The following RAD18 variants were observed in gnomAD, a reference collection of about 807,000 sequenced individuals.
RAD18 encodes E3 ubiquitin-protein ligase RAD18.
A neutral mutation model predicts 60.4 loss-of-function variants in RAD18; 47 were observed. That is an observed-to-expected ratio of 0.78 (90% CI 0.62 to 0.99). The LOEUF is 0.99. Ranked by LOEUF, RAD18 falls within the 50% of genes least tolerant of loss-of-function variation. RAD18 has a pLI of 0.00. For synonymous variants in RAD18, 225 were observed against 195.5 expected (o/e 1.15, Z -1.26); for missense variants, 640 against 593.3 (o/e 1.08, Z -0.82).
intron 4 of RAD18, 147 bp from the exon 5 acceptor site, chr3:8,941,951 T>C: frequency 1.4e-6 from 1 of 717,756 alleles, no homozygotes; most frequent in Non-Finnish European, 2.3e-6. Flanking sequence ...TTTCTTCTAG[T>C]ATAACTCAAA....
intron 7 of RAD18, chr3:8,931,692 T>A (rs1310042372): frequency 6.6e-6 from 1 of 152,230 alleles, no homozygotes; most frequent in Non-Finnish European, 1.5e-5. Flanking sequence ...GCAAAGGACC[T>A]AGAACAATTT....
At chr3:8,897,282 T>C (rs535421928) in intron 11 of RAD18, among the ~76,000 whole-genome samples, 11 of 152,198 alleles carry the variant, frequency 7.2e-5, no homozygotes, top group African/African-American at 2.4e-4. Context: ...TAATAAAATG[T>C]AGGGGGATAA....
chr3:8,937,103 T>C (rs933562942), intron 6 of RAD18, among the ~76,000 whole-genome samples: 14 of 152,124 alleles, frequency 9.2e-5, no homozygotes, highest in African/African-American at 3.1e-4. Context: ...TTTCTGAAAA[T>C]TGCTCTTCTT....
rs2125043700 is a variant in RAD18 at position 8,881,179 on chromosome 3, A to T, written c.*178T>A. ...AGAGGCAGGAGGCAACTGACCAAGT[A>T]AGGATATTTTGTAACATTTTTCCCC... is the stretch of plus-strand genomic sequence containing the variant. On this transcript the variant is annotated 3_prime_UTR_variant, in exon 13 of 13. Coordinates refer to ENST00000264926, the MANE Select transcript of RAD18 (RefSeq NM_020165.4). 1.7e-6 allele frequency: 1 copy of T among 576,320 alleles called. No individual in the cohort carries two copies. Among genetic ancestry groups the T allele is most frequent in the Non-Finnish European group, 3.0e-6 (1 of 332,838 alleles). 35.7% of individuals were successfully genotyped at this position (576,320 alleles called of 1,614,324 possible). A position where few individuals can be genotyped will look rare whatever the true frequency, so the allele number is the denominator to read the frequency against.
chr3:8,945,749 C>T (rs772821689), intron 4 of RAD18, among the ~76,000 whole-genome samples: 1 of 151,822 alleles, frequency 6.6e-6, no homozygotes, highest in African/African-American at 2.4e-5. Flanking sequence ...GGATTACAGG[C>T]GTCAGCCACC....
chr3:8,915,585 CT>C lies in RAD18; in HGVS notation c.890-1866del, dbSNP rs749576578. On this transcript the variant is annotated intron_variant, in intron 7 of 12. Transcript: ENST00000264926. ...TCACATCCATTTGCAGGCTATTTTC[CT>C]TTTTTTTTTTTTTTTGAGACTGAGT... Among the ~76,000 whole-genome samples the C allele has an allele frequency of 2.1e-3, 298 of 139,836 alleles. 1 individual carries two copies. Among genetic ancestry groups the C allele is most frequent in the Admixed American group, 2.9e-3 (41 of 13,980 alleles). 91.7% of individuals were successfully genotyped at this position (139,836 alleles called of 152,430 possible).
chr3:8,940,390 A>G (rs1940727714), intron 5 of RAD18, among the ~76,000 whole-genome samples: 1 of 152,238 alleles, frequency 6.6e-6, no homozygotes, highest in Non-Finnish European at 1.5e-5. Context: ...GCTAAAAAAT[A>G]CTACAATAAG....
At chr3:8,890,240 G>A in intron 12 of RAD18, 149 bp downstream of exon 12, 2 of 614,414 alleles carry the variant, frequency 3.3e-6, no homozygotes, top group East Asian at 2.7e-5. Context: ...ATAGAAACAA[G>A]TAGTAAACTG....
chr3:8,931,906 C>A (rs1940566018), intron 7 of RAD18, among the ~76,000 whole-genome samples: 1 of 152,124 alleles, frequency 6.6e-6, no homozygotes, highest in Non-Finnish European at 1.5e-5. Context: ...AAAGGATAGT[C>A]TTTTTAACAA....
intron 7 of RAD18, among the ~76,000 whole-genome samples, chr3:8,934,650 T>C (rs530903811): frequency 2.0e-5 from 3 of 152,228 alleles, no homozygotes; most frequent in Non-Finnish European, 2.9e-5. Flanking sequence ...ACATGACTAC[T>C]GAATTTGGGG....
Position 8,939,565 on chromosome 3 carries a change from T to C in RAD18, c.693A>G (p.Glu231=), listed in dbSNP as rs559215076. 4 of 1,612,174 alleles carry C rather than the reference T, an allele frequency of 2.5e-6. No homozygotes were observed. In the African/African-American group the frequency reaches 5.3e-5, roughly 22 times the overall value. ...DSCLSREEKK[E]SLRSSVHKRK... ...CTCAACTTCCTTACCTTCTGAGGCT[T>C]TCCTTCTTCTCTTCGCGTGATAAAC... The change falls in exon 6 of 13, where the codon GAA becomes GAG. Residue 231 remains glutamate, a synonymous_variant. Coordinates refer to ENST00000264926, the MANE Select transcript of RAD18 (RefSeq NM_020165.4).
intron 4 of RAD18, among the ~76,000 whole-genome samples, chr3:8,944,997 C>T (rs894252340): frequency 2.0e-5 from 3 of 152,070 alleles, no homozygotes; most frequent in Non-Finnish European, 1.5e-5. Flanking sequence ...AGTAACAATA[C>T]AACAATGAAA....
In RAD18 at chr3:8,950,143, G is replaced by A. The variant is rs976872808; in HGVS notation, c.134-1573C>T. ...CCTCCTGGGTTCAAGTGATTCTCCC[G>A]CCTCAGCCTCCCGAGTAGCTGGGAT... On this transcript the variant is annotated intron_variant, in intron 2 of 12. Coordinates refer to ENST00000264926, the MANE Select transcript of RAD18 (RefSeq NM_020165.4). Among the ~76,000 whole-genome samples, 30 of 152,042 alleles carry A rather than the reference G, an allele frequency of 2.0e-4. 1 individual carries two copies. The highest frequency in any genetic ancestry group is 6.8e-4 in the African/African-American group (28 of 41,376).
At position 8,939,422 on chromosome 3, in the gene RAD18, G is replaced by A. The variant is rs573349028; in HGVS notation, c.704+132C>T. On this transcript the variant is annotated intron_variant, in intron 6 of 12. Transcript: ENST00000264926. ...GAGGGATTGGAAGAAGTGGCCAACA[G>A]GAGTAAAGAAGAAAGCAAGTAAGAG... 6.2e-6 allele frequency: 4 copies of A among 647,276 alleles called. No individual in the cohort carries two copies. The Admixed American group carries it at 1.3e-4, about 22-fold the overall frequency. 40.1% of individuals were successfully genotyped at this position (647,276 alleles called of 1,614,324 possible).
At chr3:8,897,626 G>C (rs1299247800) in intron 11 of RAD18, among the ~76,000 whole-genome samples, 1 of 152,090 alleles carries the variant, frequency 6.6e-6, no homozygotes, top group South Asian at 2.1e-4. Context: ...GATTTCTATG[G>C]TATCAGTTAC....
intron 9 of RAD18, among the ~76,000 whole-genome samples, chr3:8,905,197 A>C (rs1488500895): frequency 6.6e-6 from 1 of 152,238 alleles, no homozygotes; most frequent in African/African-American, 2.4e-5. Flanking sequence ...TGGCTCAGCT[A>C]GTCGTGGGAG....
intron 9 of RAD18, among the ~76,000 whole-genome samples, chr3:8,906,045 A>C (rs1206449440): frequency 6.6e-6 from 1 of 151,884 alleles, no homozygotes; most frequent in Non-Finnish European, 1.5e-5. Context: ...GAACAGAGAG[A>C]CTGTGCCTTT....
At chr3:8,915,919 A>T (rs1330027102) in intron 7 of RAD18, among the ~76,000 whole-genome samples, 1 of 152,144 alleles carries the variant, frequency 6.6e-6, no homozygotes, top group Non-Finnish European at 1.5e-5. Context: ...GTGGGCACCC[A>T]CAAGAGTCCT....
chr3:8,949,662 C>T (rs1940897610), intron 2 of RAD18, among the ~76,000 whole-genome samples: 1 of 149,828 alleles, frequency 6.7e-6, no homozygotes, highest in Non-Finnish European at 1.5e-5. Flanking sequence ...TCTCCCCGAA[C>T]TGGAGAGAGA....
Sources: gnomAD v4.1 joint callset for allele counts (sites outside exome capture counted in the v4.1 genomes callset) on GRCh38, gnomAD v4.1.1 for gene constraint, MANE v1.5 for transcripts, NCBI Gene and HGNC (gene_info 2026-07-23, HGNC 2026-07-21) for gene names.